The following RBFOX1 variants were observed in gnomAD, a reference collection of about 807,000 sequenced individuals.
The protein encoded by RBFOX1 is RNA binding protein fox-1 homolog 1.
RBFOX1 carries 8 observed loss-of-function variants against 57.7 expected under a neutral mutation model. The ratio of observed to expected loss-of-function variants is 0.14; its 90% confidence interval spans 0.08 to 0.25. The LOEUF (loss-of-function observed/expected upper bound fraction) is 0.25. Ranked by LOEUF, RBFOX1 falls within the 10% of genes least tolerant of loss-of-function variation. RBFOX1 has a pLI of 1.00. For synonymous variants in RBFOX1, 326 were observed against 222.4 expected (o/e 1.47, Z -4.15); for missense variants, 611 against 548.5 (o/e 1.11, Z -1.14).
chr16:6,398,810 A>T (rs1161892606), intron 2 of RBFOX1, among the ~76,000 whole-genome samples: 1 of 152,146 alleles, frequency 6.6e-6, no homozygotes, highest in African/African-American at 2.4e-5. Context: ...TAGATCTACC[A>T]TGCTACCATT....
chr16:6,339,793 C>T (rs909127022), intron 2 of RBFOX1, among the ~76,000 whole-genome samples: 3 of 152,040 alleles, frequency 2.0e-5, no homozygotes, highest in Non-Finnish European at 4.4e-5. Flanking sequence ...GCCTCAGCCT[C>T]CTGAGTAGCT....
intron 2 of RBFOX1, among the ~76,000 whole-genome samples, chr16:6,525,401 T>A (rs577458880): frequency 1.3e-5 from 2 of 152,294 alleles, no homozygotes; most frequent in African/African-American, 4.8e-5. Context: ...CATGAAGCAT[T>A]GGTAGGACCC....
chr16:7,211,788 GT>G (rs2091192474), intron 4 of RBFOX1, among the ~76,000 whole-genome samples: 1 of 152,162 alleles, frequency 6.6e-6, no homozygotes, highest in Non-Finnish European at 1.5e-5. Flanking sequence ...CTGTCTCTAG[GT>G]TGCTATGAGC....
upstream of RBFOX1, among the ~76,000 whole-genome samples, chr16:6,017,959 C>G (rs756614450): frequency 1.3e-5 from 2 of 152,196 alleles, no homozygotes; most frequent in Non-Finnish European, 2.9e-5. Context: ...AGATCAAGTG[C>G]TCAAGGCTGG....
chr16:5,838,183 A>C (rs572528974), intron 3 of RBFOX1: 1 of 163,804 alleles, frequency 6.1e-6, no homozygotes, highest in African/African-American at 2.4e-5. Context: ...GTTCACCTTA[A>C]GTACTATGCT....
intron 3 of RBFOX1, among the ~76,000 whole-genome samples, chr16:6,671,967 A>G (rs527899403): frequency 6.6e-6 from 1 of 152,332 alleles, no homozygotes; most frequent in South Asian, 2.1e-4. Flanking sequence ...GCGAAATAAC[A>G]ATATCGAACA....
intron 4 of RBFOX1, among the ~76,000 whole-genome samples, chr16:7,388,785 C>A (rs189676692): frequency 2.0e-5 from 3 of 150,578 alleles, no homozygotes; most frequent in Non-Finnish European, 2.9e-5. Flanking sequence ...ATGAGTTTGT[C>A]CAAATGTAGG....
intron 1 of RBFOX1, among the ~76,000 whole-genome samples, chr16:6,307,901 A>G (rs764785866): frequency 2.0e-5 from 3 of 146,700 alleles, no homozygotes; most frequent in African/African-American, 4.9e-5. Context: ...ATTTATTTGG[A>G]TTATTTACAT....
At chr16:6,465,819 C>T (rs953629346) in intron 2 of RBFOX1, among the ~76,000 whole-genome samples, 1 of 148,426 alleles carries the variant, frequency 6.7e-6, no homozygotes, top group African/African-American at 2.5e-5. Flanking sequence ...TTGATTTAGG[C>T]TACAGTTTAC....
At chr16:7,467,705 C>T (rs377406881) in intron 4 of RBFOX1, among the ~76,000 whole-genome samples, 9 of 152,182 alleles carry the variant, frequency 5.9e-5, no homozygotes, top group Non-Finnish European at 1.2e-4. Flanking sequence ...GATATAAACT[C>T]GGATCTGTCT....
At chr16:7,125,757 C>T (rs2068351572) in intron 4 of RBFOX1, among the ~76,000 whole-genome samples, 1 of 151,922 alleles carries the variant, frequency 6.6e-6, no homozygotes, top group Admixed American at 6.6e-5. Context: ...AATTGTGAGG[C>T]CAAGGATATG....
chr16:7,605,782 C>G (rs1035629004), intron 9 of RBFOX1, among the ~76,000 whole-genome samples: 29 of 152,288 alleles, frequency 1.9e-4, no homozygotes, highest in Middle Eastern at 3.4e-3. Context: ...GGTATTTGGC[C>G]TTCTGCTCAA....
chr16:5,432,551 G>T (rs111552870), intron 1 of RBFOX1, among the ~76,000 whole-genome samples: 1,788 of 79,848 alleles, frequency 0.022, no homozygotes, highest in Middle Eastern at 0.032. Flanking sequence ...TTTTTTTTTT[G>T]TTTGTTTGTT....
intron 4 of RBFOX1, among the ~76,000 whole-genome samples, chr16:7,418,895 T>C (rs754700819): frequency 1.6e-4 from 25 of 151,992 alleles, no homozygotes; most frequent in South Asian, 4.2e-4. Context: ...TTTTTTGTTG[T>C]TGTTTCTGTT....
chr16:6,242,629 A>AACACACACAC lies in RBFOX1; in HGVS notation c.-126-74340_-126-74331dup, dbSNP rs57154832. 7.3e-3 allele frequency among the ~76,000 whole-genome samples: 1,027 copies of AACACACACAC among 141,604 alleles called. 9 individuals are homozygous for AACACACACAC. Among genetic ancestry groups the AACACACACAC allele is most frequent in the African/African-American group, 0.012 (461 of 38,182 alleles). 92.9% of individuals were successfully genotyped at this position (141,604 alleles called of 152,430 possible). A position where few individuals can be genotyped will look rare whatever the true frequency, so the allele number is the denominator to read the frequency against. Reference sequence around the variant, plus strand: ...GTTTGAGAGAGGATAATTTATTGCAAACACACACACACACACACACACACA... The same window carrying AACACACACAC: ...GTTTGAGAGAGGATAATTTATTGCAAACACACACACACACACACACACACACACACACACA... On this transcript the variant is annotated intron_variant, in intron 1 of 15. Coordinates refer to ENST00000550418, the MANE Select transcript of RBFOX1 (RefSeq NM_018723.4).
rs368608866 is a variant in RBFOX1, at chr16:6,359,347, G to A, written c.-64+42290G>A. Among the ~76,000 whole-genome samples the A allele has an allele frequency of 4.6e-5, 7 of 152,220 alleles. No individual in the cohort carries two copies. In the East Asian group the frequency reaches 9.7e-4, roughly 21 times the overall value. On this transcript the variant is annotated intron_variant, in intron 2 of 15. Coordinates refer to ENST00000550418, the MANE Select transcript of RBFOX1 (RefSeq NM_018723.4). ...GACCTCAAGTGATCCTCCTGCCTCA[G>A]CCCCCAAAGTGCTGAGATTACAGAT...
intron 4 of RBFOX1, among the ~76,000 whole-genome samples, chr16:7,271,942 C>G (rs1399679320): frequency 6.6e-6 from 1 of 152,184 alleles, no homozygotes; most frequent in Non-Finnish European, 1.5e-5. Context: ...TCCCCTCAGG[C>G]TTGCTTTTCT....
chr16:5,252,626 G>A (rs1380522955), intron 1 of RBFOX1, among the ~76,000 whole-genome samples: 2 of 152,170 alleles, frequency 1.3e-5, no homozygotes, highest in Middle Eastern at 3.2e-3. Context: ...GCACTGTCCA[G>A]CACCTGCCTG....
chr16:6,659,669 C>A (rs988037455), intron 3 of RBFOX1, among the ~76,000 whole-genome samples: 1 of 152,154 alleles, frequency 6.6e-6, no homozygotes, highest in East Asian at 1.9e-4. Context: ...ACCCTGCTTG[C>A]GGTTTTCAAT....
Sources: allele counts gnomAD v4.1 joint callset (sites outside exome capture counted in the v4.1 genomes callset), GRCh38; gene constraint gnomAD v4.1.1; transcripts MANE v1.5; gene names NCBI Gene and HGNC (gene_info 2026-07-23, HGNC 2026-07-21).